The following NUP210L variants were observed in gnomAD, a reference collection of about 807,000 sequenced individuals.
NUP210L encodes nucleoporin 210 like, also known as nuclear pore membrane glycoprotein 210-like.
In NUP210L, 74 loss-of-function variants were observed where a neutral mutation model predicts 208.5. The observed-to-expected ratio is 0.35, with a 90% CI of 0.29 to 0.43. NUP210L has a LOEUF of 0.43. Among genes scored for constraint, NUP210L ranks in the 20% least tolerant of loss-of-function variants. NUP210L has a pLI of 1.00. For missense variants in NUP210L, 1,843 were observed against 2,289.4 expected (o/e 0.81, Z 3.98); for synonymous variants, 780 against 816.9 (o/e 0.95, Z 0.77).
At chr1:154,027,006 C>T (rs1402323444) in intron 29 of NUP210L, among the ~76,000 whole-genome samples, 3 of 148,230 alleles carry the variant, frequency 2.0e-5, no homozygotes, top group African/African-American at 7.5e-5. Context: ...TTGCCTGAAC[C>T]TGGGAGGTGG....
chr1:154,052,634 T>G (rs918467598), intron 25 of NUP210L, among the ~76,000 whole-genome samples: 2 of 152,228 alleles, frequency 1.3e-5, no homozygotes, highest in Non-Finnish European at 2.9e-5. Context: ...AATGCCTGGA[T>G]GTAATCACTC....
At chr1:154,087,263 TGA>T (rs937942398) in intron 16 of NUP210L, among the ~76,000 whole-genome samples, 1 of 140,982 alleles carries the variant, frequency 7.1e-6, no homozygotes, top group Non-Finnish European at 1.5e-5. Context: ...GAGGTTGCAG[TGA>T]GCTGAGATTG....
At chr1:154,137,914 C>A (rs929194511) in intron 6 of NUP210L, among the ~76,000 whole-genome samples, 192 bp downstream of exon 6, 19 of 152,030 alleles carry the variant, frequency 1.2e-4, no homozygotes, top group Non-Finnish European at 1.5e-5. Context: ...AGCTAAGCAG[C>A]CTAACTATGC....
intron 24 of NUP210L, 106 bp downstream of exon 24, chr1:154,054,664 G>A (rs1653710064): frequency 2.3e-6 from 2 of 881,426 alleles, no homozygotes; most frequent in Non-Finnish European, 1.9e-6. Context: ...CTAGTACTTG[G>A]GTGAGAGTAA....
At chr1:154,149,383 GC>G (rs1436238484) in intron 2 of NUP210L, among the ~76,000 whole-genome samples, 1 of 152,108 alleles carries the variant, frequency 6.6e-6, no homozygotes, top group Non-Finnish European at 1.5e-5. Flanking sequence ...ACCGTGCCCA[GC>G]CTAGAAAACT....
intron 33 of NUP210L, among the ~76,000 whole-genome samples, chr1:154,018,130 C>A (rs1174863757): frequency 6.6e-6 from 1 of 151,886 alleles, no homozygotes; most frequent in Non-Finnish European, 1.5e-5. Flanking sequence ...AGCCACCAGG[C>A]CCGGCTAATT....
At chr1:154,115,893 C>A (rs949550283) in intron 12 of NUP210L, among the ~76,000 whole-genome samples, 5 of 151,764 alleles carry the variant, frequency 3.3e-5, no homozygotes, top group Non-Finnish European at 7.4e-5. Context: ...CCGGGGTGGG[C>A]GGATCACTTG....
intron 37 of NUP210L, chr1:153,995,771 G>A (rs1183614511): frequency 5.9e-6 from 4 of 681,718 alleles, no homozygotes; most frequent in Non-Finnish European, 1.1e-5. Context: ...TCTGCATGTG[G>A]CATGTGCCCA....
chr1:154,001,379 G>A (rs779859718), intron 36 of NUP210L, among the ~76,000 whole-genome samples: 13 of 152,146 alleles, frequency 8.5e-5, no homozygotes, highest in Non-Finnish European at 1.6e-4. Context: ...TGTACTTTTA[G>A]TAGAGAAGAG....
intron 7 of NUP210L, among the ~76,000 whole-genome samples, chr1:154,129,963 T>C (rs1658161557): frequency 2.0e-5 from 3 of 152,216 alleles, no homozygotes; most frequent in Admixed American, 2.0e-4. Context: ...TATCAGTCTA[T>C]ATACAATCTA....
At chr1:154,000,718 A>T in intron 37 of NUP210L, 138 bp downstream of exon 37, 1 of 703,068 alleles carries the variant, frequency 1.4e-6, no homozygotes, top group Non-Finnish European at 2.4e-6. Context: ...TTATTTCAGG[A>T]GTTTTTCATT....
chr1:154,150,197 A>G (rs1388859130), intron 2 of NUP210L, among the ~76,000 whole-genome samples: 1 of 151,948 alleles, frequency 6.6e-6, no homozygotes, highest in African/African-American at 2.4e-5. Context: ...CAACATGGAG[A>G]AACCACGTCT....
At chr1:154,152,090 CAAAA>C (rs745735321) in intron 2 of NUP210L, among the ~76,000 whole-genome samples, 247 of 103,916 alleles carry the variant, frequency 2.4e-3, no homozygotes, top group African/African-American at 8.7e-3. Context: ...AACTCCGTCT[CAAAA>C]AAAAAAAAAA....
chr1:154,055,133 T>TTCTTTTC (rs1653761372), intron 23 of NUP210L, among the ~76,000 whole-genome samples: 1 of 68,628 alleles, frequency 1.5e-5, no homozygotes, highest in African/African-American at 7.5e-5. Flanking sequence ...TTTTCTTTCT[T>TTCTTTTC]TCTTTCTTTC....
chr1:154,144,694 C>T (rs1333777625), intron 2 of NUP210L, among the ~76,000 whole-genome samples: 1 of 152,192 alleles, frequency 6.6e-6, no homozygotes, highest in Non-Finnish European at 1.5e-5. Flanking sequence ...GTTTTAGCTT[C>T]ATCCAAAAAA....
chr1:154,006,048 G>A (rs916506425), intron 35 of NUP210L, among the ~76,000 whole-genome samples: 3 of 151,792 alleles, frequency 2.0e-5, no homozygotes, highest in African/African-American at 4.8e-5. Context: ...AGTAGAGATG[G>A]GGTTTCTCCA....
chr1:154,058,671 A>C, exon 21 of NUP210L: 2 of 1,613,818 alleles, frequency 1.2e-6, no homozygotes, highest in Non-Finnish European at 1.7e-6. Context: ...CAAGGTAAAA[A>C]ATCCAGGATG....
chr1:154,009,967 C>T lies in NUP210L; in HGVS notation c.4930+5G>A, dbSNP rs748559385. On this transcript the variant is annotated splice_donor_5th_base_variant and intron_variant, in intron 35 of 39. Coordinates refer to ENST00000368559, the Ensembl canonical transcript of NUP210L. ...GGGAAACCAGATTCAACTGGTGTAACTTACCTTTCTCCATACTGAAATCTG... is the reference window on the plus strand; with the variant it reads ...GGGAAACCAGATTCAACTGGTGTAATTTACCTTTCTCCATACTGAAATCTG... 6.2e-7 allele frequency: 1 copy of T among 1,604,530 alleles called. No individual in the cohort carries two copies. The highest frequency in any genetic ancestry group is 1.1e-5 in the South Asian group (1 of 88,840).
At chr1:154,007,306 A>G (rs1650621437) in intron 35 of NUP210L, among the ~76,000 whole-genome samples, 1 of 150,958 alleles carries the variant, frequency 6.6e-6, no homozygotes, top group Non-Finnish European at 1.5e-5. Flanking sequence ...CTTGTTGCCC[A>G]GGTTGGAGTG....
Sources: allele counts gnomAD v4.1 joint callset (sites outside exome capture counted in the v4.1 genomes callset), GRCh38; gene constraint gnomAD v4.1.1; transcripts MANE v1.5; gene names NCBI Gene and HGNC (gene_info 2026-07-23, HGNC 2026-07-21).